Variants in PCDH20 observed in about 807,000 individuals in gnomAD.
PCDH20 encodes the protein protocadherin 20.
Under a neutral mutation model 39.7 loss-of-function variants are expected in PCDH20, and 18 were observed. That is an observed-to-expected ratio of 0.45 (90% CI 0.31 to 0.67). The LOEUF is 0.67. Ranked by LOEUF, PCDH20 falls within the 30% of genes least tolerant of loss-of-function variation. The pLI, the probability that PCDH20 is intolerant of heterozygous loss-of-function variation, is 0.05. For missense variants in PCDH20, 1,161 were observed against 1,167.4 expected (o/e 0.99, Z 0.08); for synonymous variants, 495 against 455.4 (o/e 1.09, Z -1.11).
exon 2 of PCDH20, chr13:61,412,132 C>A: frequency 6.2e-7 from 1 of 1,614,140 alleles, no homozygotes; most frequent in Non-Finnish European, 8.5e-7. Flanking sequence ...TCCAATCTCA[C>A]CATAGCCTGG....
In PCDH20 at chr13:61,415,371, A is replaced by G. The variant is rs1197023338; in HGVS notation, c.-213T>C. ...CGCAGGTAACTCCATACTCTGCCAG[A>G]GGAGCTGGAATGGGGGACTTGCTCC... On this transcript the variant is annotated 5_prime_UTR_variant, in exon 1 of 2. Coordinates refer to ENST00000409204, the Ensembl canonical transcript of PCDH20. The G allele has an allele frequency of 6.1e-6, 3 of 494,732 alleles. No homozygotes were observed. In the Admixed American group the frequency reaches 1.3e-4, roughly 22 times the overall value. 30.6% of individuals were successfully genotyped at this position (494,732 alleles called of 1,614,324 possible).
chr13:61,412,358 A>G, exon 2 of PCDH20: 1 of 1,614,164 alleles, frequency 6.2e-7, no homozygotes, highest in Non-Finnish European at 8.5e-7. Flanking sequence ...AAGGAAAAAT[A>G]TGATGGAGCA....
Position 61,412,673 on chromosome 13 carries a change from T to C in PCDH20, c.1426A>G (p.Arg476Gly), listed in dbSNP as rs549023380. Reference sequence around the variant, plus strand: ...TTGTATGGTTTGTAAGGTGATAACCTAAACGGCCCTTCACCATCCAGGTAG... The same window carrying C: ...TTGTATGGTTTGTAAGGTGATAACCCAAACGGCCCTTCACCATCCAGGTAG... The change falls in exon 2 of 2, where the codon AGG (arginine) becomes GGG (glycine). Residue 476 changes from arginine (R) to glycine (G), a missense_variant. Physicochemically the swap from Arg to Gly is moderately radical, Grantham distance 125 (BLOSUM62 -2). Around this residue, in one of 3 missense-constraint regions of PCDH20, gnomAD observed 754 missense variants for 777.5 expected, o/e 0.97. Coordinates refer to ENST00000409204, the Ensembl canonical transcript of PCDH20. 1.2e-5 allele frequency: 20 copies of C among 1,614,146 alleles called. No individual in the cohort carries two copies. The South Asian group carries it at 2.2e-4, about 18-fold the overall frequency.
chr13:61,412,426 T>G (rs1371738400), exon 2 of PCDH20: 5 of 1,614,100 alleles, frequency 3.1e-6, no homozygotes, highest in Non-Finnish European at 4.2e-6. Flanking sequence ...ATCTGTAGCA[T>G]ACAGCTTAGT....
exon 2 of PCDH20, chr13:61,411,362 A>T (rs770947986): frequency 5.0e-6 from 8 of 1,613,844 alleles, no homozygotes; most frequent in Non-Finnish European, 8.5e-7. Context: ...CCTTTCCTTA[A>T]ACAGATGTAT....
chr13:61,411,125 T>C, exon 2 of PCDH20: 1 of 852,704 alleles, frequency 1.2e-6, no homozygotes, highest in East Asian at 2.6e-5. Context: ...ATTTACAATA[T>C]AGAACAAGTT....
exon 2 of PCDH20, chr13:61,411,648 G>C: frequency 1.2e-6 from 2 of 1,614,200 alleles, no homozygotes; most frequent in Non-Finnish European, 1.7e-6. Flanking sequence ...GTAAGCGATG[G>C]AGCCCATAAT....
exon 2 of PCDH20, chr13:61,411,807 A>G (rs1566222200): frequency 6.2e-7 from 1 of 1,614,220 alleles, no homozygotes; most frequent in Non-Finnish European, 8.5e-7. Context: ...AGACTTCTGT[A>G]ACCGGGGAGC....
At chr13:61,414,263 T>A (rs1394682551) in intron 1 of PCDH20, among the ~76,000 whole-genome samples, 6 of 151,510 alleles carry the variant, frequency 4.0e-5, no homozygotes, top group African/African-American at 1.5e-4. Flanking sequence ...CCGTAAAACA[T>A]CCCTGGAAAC....
At chr13:61,412,972 T>C (rs966682499) in exon 2 of PCDH20, 14 of 1,614,156 alleles carry the variant, frequency 8.7e-6, no homozygotes, top group Admixed American at 3.3e-5. Context: ...GACTCCAGTG[T>C]TTTCATCCAG....
exon 2 of PCDH20, chr13:61,411,537 C>A: frequency 6.2e-7 from 1 of 1,614,140 alleles, no homozygotes; most frequent in Non-Finnish European, 8.5e-7. Context: ...TTAAAAGACT[C>A]TCAATGTAAC....
At chr13:61,411,412 A>T in exon 2 of PCDH20, 1 of 1,614,098 alleles carries the variant, frequency 6.2e-7, no homozygotes, top group Non-Finnish European at 8.5e-7. Flanking sequence ...ACCCAAGCTT[A>T]TTACAGACAG....
exon 1 of PCDH20, chr13:61,415,156 C>G: frequency 7.0e-7 from 1 of 1,438,394 alleles, no homozygotes; most frequent in Non-Finnish European, 9.2e-7. Flanking sequence ...CTCGGCCGCG[C>G]ATTCCCTGGG....
exon 2 of PCDH20, chr13:61,413,151 A>G: frequency 1.2e-6 from 2 of 1,614,148 alleles, no homozygotes; most frequent in East Asian, 2.2e-5. Flanking sequence ...AGAGAGGGCA[A>G]TTGTCATTAA....
exon 2 of PCDH20, chr13:61,410,353 T>C (rs760110091): frequency 2.0e-5 from 3 of 152,276 alleles, no homozygotes; most frequent in Middle Eastern, 3.4e-3. Flanking sequence ...ATAACCCAAG[T>C]ATAAAGTACG....
intron 1 of PCDH20, 96 bp from the exon 2 acceptor site, chr13:61,414,062 C>T (rs1037331738): frequency 2.6e-6 from 3 of 1,157,844 alleles, no homozygotes; most frequent in South Asian, 1.6e-5. Flanking sequence ...CTGTCCCCAT[C>T]CCCGTTCCCA....
rs139621913 is a variant in PCDH20, at chr13:61,413,880, G to T, written c.219C>A (p.Asn73Lys). ...TGAGCACCCCCGCGGGTAGTCCCTC[G>T]TTTAGGCTGTACAGAAGCTCGGTGG... Residue 73 changes from asparagine to lysine, a missense_variant, in exon 2 of 2, where the codon AAC becomes AAA. Asn to Lys is a moderately conservative substitution (Grantham distance 94). This residue lies in a region of PCDH20 where 401 missense variants were observed against 368.7 expected (regional missense o/e 1.09). Coordinates refer to ENST00000409204, the Ensembl canonical transcript of PCDH20. The T allele has an allele frequency of 3.6e-5, 58 of 1,613,652 alleles. No individual in the cohort carries two copies. The African/African-American group carries it at 7.2e-4, about 20-fold the overall frequency.
At position 61,413,892 on chromosome 13, in the gene PCDH20, C is replaced by G. The variant is rs747427220; in HGVS notation, c.207G>C (p.Leu69=). The change falls in exon 2 of 2, where the codon CTG becomes CTC. Residue 69 remains leucine, a synonymous_variant. Coordinates refer to ENST00000409204, the Ensembl canonical transcript of PCDH20. ...CGGGTAGTCCCTCGTTTAGGCTGTA[C>G]AGAAGCTCGGTGGCCCGGCTGTAAC... 4 of 1,613,562 alleles carry G rather than the reference C, an allele frequency of 2.5e-6. No individual in the cohort carries two copies. In the Admixed American group the frequency reaches 5.0e-5, roughly 20 times the overall value.
Position 61,412,406 on chromosome 13 carries a change from C to T in PCDH20, c.1693G>A (p.Glu565Lys), listed in dbSNP as rs559148086. The change falls in exon 2 of 2, where the codon GAG (glutamate) becomes AAG (lysine). Residue 565 changes from glutamate to lysine, a missense_variant. This residue lies in a region of PCDH20 where 754 missense variants were observed against 777.5 expected (regional missense o/e 0.97). Transcript: ENST00000409204. ...AAATATGAAACTTGGCCTCTCTCCT[C>T]GCTGTCGGCATCTGTAGCATACAGC... The T allele has an allele frequency of 3.4e-5, 55 of 1,614,130 alleles. No homozygotes were observed. In the South Asian group the frequency reaches 5.8e-4, roughly 17 times the overall value.
Sources: allele counts gnomAD v4.1 joint callset (sites outside exome capture counted in the v4.1 genomes callset), GRCh38; gene constraint gnomAD v4.1.1; regional missense constraint gnomAD v4.1.1; transcripts MANE v1.5; gene names NCBI Gene and HGNC (gene_info 2026-07-23, HGNC 2026-07-21).